Variants in SIPA1L1 observed in about 807,000 individuals in gnomAD.
SIPA1L1 encodes the protein signal-induced proliferation-associated 1-like protein 1.
A neutral mutation model predicts 162.7 loss-of-function variants in SIPA1L1; 26 were observed. The observed-to-expected ratio is 0.16, with a 90% CI of 0.12 to 0.22. The LOEUF (loss-of-function observed/expected upper bound fraction) is 0.22. Among genes scored for constraint, SIPA1L1 ranks in the 10% least tolerant of loss-of-function variants. The probability of loss-of-function intolerance (pLI) is 1.00; values close to 1 mark genes in which losing one functional copy is unlikely to be tolerated. For missense variants in SIPA1L1, 1,874 were observed against 2,241.0 expected, an observed-to-expected ratio of 0.84 and a Z score of 3.31; for synonymous variants, 829 against 837.4, an observed-to-expected ratio of 0.99 and a Z score of 0.17.
At chr14:71,417,386 G>A (rs1332602922) in intron 2 of SIPA1L1, among the ~76,000 whole-genome samples, 2 of 141,284 alleles carry the variant, frequency 1.4e-5, no homozygotes, top group African/African-American at 5.3e-5. Context: ...CAGGAGAATG[G>A]CGTGAACCCC....
At chr14:71,409,575 C>G (rs2042263501) in intron 2 of SIPA1L1, among the ~76,000 whole-genome samples, 1 of 152,032 alleles carries the variant, frequency 6.6e-6, no homozygotes, top group South Asian at 2.1e-4. Context: ...GAGAAAGGAC[C>G]TTTTAGTAAA....
At chr14:71,551,856 G>C (rs2055868437) in intron 4 of SIPA1L1, among the ~76,000 whole-genome samples, 1 of 152,142 alleles carries the variant, frequency 6.6e-6, no homozygotes, top group East Asian at 1.9e-4. Flanking sequence ...TTCATGCTTT[G>C]TGTTACTGAT....
intron 4 of SIPA1L1, among the ~76,000 whole-genome samples, chr14:71,545,044 G>A (rs2055057117): frequency 6.6e-6 from 1 of 151,970 alleles, no homozygotes; most frequent in Non-Finnish European, 1.5e-5. Context: ...TATTTTTGTA[G>A]AGGTGCTATC....
chr14:71,726,032 G>C (rs1261729977), intron 19 of SIPA1L1, among the ~76,000 whole-genome samples: 1 of 152,168 alleles, frequency 6.6e-6, no homozygotes, highest in South Asian at 2.1e-4. Context: ...ATGCTAGCGT[G>C]TGTGTGCGTG....
chr14:71,621,348 C>T lies in SIPA1L1; in HGVS notation c.1629+2461C>T, dbSNP rs74060385. 5.8e-3 allele frequency among the ~76,000 whole-genome samples: 878 copies of T among 152,264 alleles called. 11 individuals are homozygous for T. Among genetic ancestry groups the T allele is most frequent in the African/African-American group, 0.02 (836 of 41,534 alleles). On this transcript the variant is annotated intron_variant, in intron 6 of 23. Coordinates refer to ENST00000381232, the MANE Select transcript of SIPA1L1 (RefSeq NM_001386936.1). ...TAGGAGACCATGCTCTTCTGTTTCC[C>T]GGTTATCTCTCTGCGCCTCATCCCT... is the stretch of plus-strand genomic sequence containing the variant.
chr14:71,455,057 A>C (rs1274683278), intron 2 of SIPA1L1, among the ~76,000 whole-genome samples: 1 of 152,220 alleles, frequency 6.6e-6, no homozygotes, highest in Non-Finnish European at 1.5e-5. Flanking sequence ...GTGAATGTAC[A>C]AGTGAAGATT....
At chr14:71,469,922 A>G (rs1236034088) in intron 2 of SIPA1L1, among the ~76,000 whole-genome samples, 1 of 152,142 alleles carries the variant, frequency 6.6e-6, no homozygotes, top group African/African-American at 2.4e-5. Context: ...TGGGATGGGA[A>G]CTGAAGGGAG....
chr14:71,585,274 A>G (rs758269213), intron 4 of SIPA1L1, among the ~76,000 whole-genome samples: 2 of 152,070 alleles, frequency 1.3e-5, no homozygotes, highest in Admixed American at 6.5e-5. Flanking sequence ...ATCAGTTTTT[A>G]CAAGCCATTA....
Position 71,373,497 on chromosome 14 carries a change from C to T in SIPA1L1, c.-465+52316C>T, listed in dbSNP as rs548192490. Among the ~76,000 whole-genome samples, 20 of 149,868 alleles carry T rather than the reference C, an allele frequency of 1.3e-4. No individual in the cohort carries two copies. In the South Asian group the frequency reaches 2.5e-3, roughly 19 times the overall value. On this transcript the variant is annotated intron_variant, in intron 2 of 23. Coordinates refer to ENST00000381232, the MANE Select transcript of SIPA1L1 (RefSeq NM_001386936.1). The stretch of plus-strand genomic sequence containing the variant: ...CAAATTAGCTGGGTGTGGTGGCTGG[C>T]GCCTGTAATCCCAGCTACCCGGGAG...
At chr14:71,572,539 G>A (rs576806924) in intron 4 of SIPA1L1, among the ~76,000 whole-genome samples, 3 of 152,314 alleles carry the variant, frequency 2.0e-5, no homozygotes, top group South Asian at 4.1e-4. Context: ...CCATCCAGGA[G>A]AGAAAGAAAG....
intron 2 of SIPA1L1, among the ~76,000 whole-genome samples, chr14:71,471,171 A>T (rs2047426397): frequency 6.6e-6 from 1 of 151,924 alleles, no homozygotes; most frequent in Non-Finnish European, 1.5e-5. Flanking sequence ...AGTGTTTTCC[A>T]CTTAATAGTG....
At chr14:71,434,070 A>G (rs1241777754) in intron 2 of SIPA1L1, among the ~76,000 whole-genome samples, 1 of 152,224 alleles carries the variant, frequency 6.6e-6, no homozygotes, top group Non-Finnish European at 1.5e-5. Context: ...AATTGTTGAG[A>G]CATTTGGAAT....
At chr14:71,570,198 G>A (rs1018657411) in intron 4 of SIPA1L1, among the ~76,000 whole-genome samples, 2 of 151,940 alleles carry the variant, frequency 1.3e-5, no homozygotes, top group African/African-American at 2.4e-5. Flanking sequence ...TCAACAAGCC[G>A]TGCCTCACAC....
chr14:71,552,440 G>A (rs147398530), intron 4 of SIPA1L1, among the ~76,000 whole-genome samples: 7,741 of 150,040 alleles, frequency 0.052, 495 homozygotes, highest in African/African-American at 0.15. Context: ...AGCCCAGGCC[G>A]GATTGCAGTG....
chr14:71,733,651 C>T lies in SIPA1L1; in HGVS notation c.4862-15C>T, dbSNP rs762107101. ...CAGGCACAAGAAGCATCTCATTCCT[C>T]CTCCCTTCCCGCAGGAGAGTTCTCA... On this transcript the variant is annotated splice_polypyrimidine_tract_variant and intron_variant, in intron 20 of 23. Transcript: ENST00000381232. 3.7e-6 allele frequency: 6 copies of T among 1,611,940 alleles called. No individual in the cohort carries two copies. The highest frequency in any genetic ancestry group is 2.2e-5 in the East Asian group (1 of 44,890).
chr14:71,632,091 T>G (rs1198840526), intron 7 of SIPA1L1, among the ~76,000 whole-genome samples: 3 of 152,224 alleles, frequency 2.0e-5, no homozygotes, highest in Non-Finnish European at 4.4e-5. Flanking sequence ...GTTTGGACTC[T>G]GGATTCTGGA....
At chr14:71,546,188 A>G (rs1423803561) in intron 4 of SIPA1L1, among the ~76,000 whole-genome samples, 1 of 152,060 alleles carries the variant, frequency 6.6e-6, no homozygotes. Flanking sequence ...TTTTAAGTTC[A>G]CAATGTTCAA....
intron 2 of SIPA1L1, among the ~76,000 whole-genome samples, chr14:71,322,123 A>G (rs1051139140): frequency 6.6e-6 from 1 of 152,222 alleles, no homozygotes; most frequent in Admixed American, 6.5e-5. Flanking sequence ...AAAGGTGTCG[A>G]CTTTCATCAG....
chr14:71,723,423 T>C (rs1435148520), intron 17 of SIPA1L1, among the ~76,000 whole-genome samples: 2 of 152,248 alleles, frequency 1.3e-5, no homozygotes, highest in African/African-American at 4.8e-5. Context: ...TAAGTATTTT[T>C]ACTTTTTAAA....
Sources: gnomAD v4.1 joint callset for allele counts (sites outside exome capture counted in the v4.1 genomes callset) on GRCh38, gnomAD v4.1.1 for gene constraint, MANE v1.5 for transcripts, NCBI Gene and HGNC (gene_info 2026-07-23, HGNC 2026-07-21) for gene names.